The following UBXN7 variants were observed in gnomAD, a reference collection of about 807,000 sequenced individuals.
UBXN7 encodes the protein UBX domain protein 7, also known as UBX domain-containing protein 7.
Under a neutral mutation model 58.0 loss-of-function variants are expected in UBXN7, and 9 were observed. That is an observed-to-expected ratio of 0.16 (90% CI 0.09 to 0.27). UBXN7 has a LOEUF of 0.27. Among genes scored for constraint, UBXN7 ranks in the 10% least tolerant of loss-of-function variants. The pLI, the probability that UBXN7 is intolerant of heterozygous loss-of-function variation, is 1.00. For missense variants in UBXN7, 328 were observed against 599.6 expected, an observed-to-expected ratio of 0.55 and a Z score of 4.73; for synonymous variants, 208 against 205.0, an observed-to-expected ratio of 1.01 and a Z score of -0.12.
At chr3:196,401,365 A>G (rs1729977431) in intron 3 of UBXN7, among the ~76,000 whole-genome samples, 1 of 146,744 alleles carries the variant, frequency 6.8e-6, no homozygotes, top group Non-Finnish European at 1.5e-5. Context: ...AATTAAAAAA[A>G]TAAATAAAAA....
chr3:196,431,257 C>T (rs73891238), intron 1 of UBXN7: 38,231 of 152,076 alleles, frequency 0.25, 4,920 homozygotes, highest in South Asian at 0.3. Flanking sequence ...CCTTCCAAAA[C>T]GACAAACTAG....
At chr3:196,380,245 G>A (rs1293439218) in intron 5 of UBXN7, among the ~76,000 whole-genome samples, 91 of 148,616 alleles carry the variant, frequency 6.1e-4, no homozygotes, top group African/African-American at 1.9e-3. Flanking sequence ...GCGAAAGAGC[G>A]AGATTTCATC....
intron 1 of UBXN7, among the ~76,000 whole-genome samples, chr3:196,418,726 T>C (rs944115351): frequency 4.6e-5 from 7 of 152,162 alleles, no homozygotes; most frequent in Non-Finnish European, 5.9e-5. Context: ...CACAGGTCTA[T>C]AGAGCTAAAC....
Position 196,377,752 on chromosome 3 carries a change from A to G in UBXN7, c.469-5710T>C, listed in dbSNP as rs193041168. 5.1e-4 allele frequency among the ~76,000 whole-genome samples: 77 copies of G among 152,076 alleles called. No individual in the cohort carries two copies. The East Asian group carries it at 0.011, about 21-fold the overall frequency. ...CACCACCACAGCTCACTGCAGCCTC[A>G]ACCTCCTGGGCTCAAGCGATCCTCC... On this transcript the variant is annotated intron_variant, in intron 5 of 10. Transcript: ENST00000296328.
intron 1 of UBXN7, among the ~76,000 whole-genome samples, chr3:196,412,444 G>A (rs1487541170): frequency 6.6e-6 from 1 of 151,978 alleles, no homozygotes; most frequent in Admixed American, 6.6e-5. Context: ...AAGTGTGGGT[G>A]AGCATGTGGA....
In UBXN7 at chr3:196,369,659, T is replaced by A. The variant is rs936200894; in HGVS notation, c.616-148A>T. On this transcript the variant is annotated intron_variant, in intron 6 of 10. Transcript: ENST00000296328. ...ACTCCTACACTAAAAAGAAAATAAATCTGGTTTGAACTCCTTCAACTTCCC... is the reference window on the plus strand; with the variant it reads ...ACTCCTACACTAAAAAGAAAATAAAACTGGTTTGAACTCCTTCAACTTCCC... The A allele has an allele frequency of 3.5e-5, 21 of 600,056 alleles. No homozygotes were observed. In the African/African-American group the frequency reaches 3.6e-4, roughly 10 times the overall value. The allele number at this position is 600,056 out of a possible 1,614,324, so 37.2% of individuals were successfully genotyped here. A position where few individuals can be genotyped will look rare whatever the true frequency, so the allele number is the denominator to read the frequency against.
At chr3:196,430,048 T>C (rs768637998) in intron 1 of UBXN7, among the ~76,000 whole-genome samples, 1 of 152,074 alleles carries the variant, frequency 6.6e-6, no homozygotes, top group Non-Finnish European at 1.5e-5. Flanking sequence ...CATAAGAAAC[T>C]GAAAATTAAT....
intron 4 of UBXN7, 40 bp from the exon 5 acceptor site, chr3:196,391,965 C>T (rs1222891446): frequency 2.3e-6 from 1 of 441,964 alleles, no homozygotes; most frequent in Non-Finnish European, 3.8e-6. Flanking sequence ...TAGCCATAAT[C>T]ATGAATCACA....
chr3:196,372,343 C>CTTTTTTTTTTT (rs894793736), intron 5 of UBXN7, among the ~76,000 whole-genome samples: 1 of 107,520 alleles, frequency 9.3e-6, no homozygotes, highest in Non-Finnish European at 2.1e-5. Flanking sequence ...TTCTTTCTTT[C>CTTTTTTTTTTT]TTTTTTTTTT....
At chr3:196,425,781 T>TCTC (rs1053031543) in intron 1 of UBXN7, among the ~76,000 whole-genome samples, 3 of 152,166 alleles carry the variant, frequency 2.0e-5, no homozygotes, top group Non-Finnish European at 4.4e-5. Flanking sequence ...CCCCTCCAAG[T>TCTC]CTCTGCATGT....
intron 10 of UBXN7, among the ~76,000 whole-genome samples, chr3:196,359,236 A>G (rs1560217246): frequency 6.6e-6 from 1 of 152,104 alleles, no homozygotes; most frequent in Non-Finnish European, 1.5e-5. Flanking sequence ...TGATGTTACT[A>G]TTCTGCTTTT....
intron 6 of UBXN7, among the ~76,000 whole-genome samples, chr3:196,370,079 G>A (rs1324654055): frequency 6.8e-6 from 1 of 146,490 alleles, no homozygotes; most frequent in Non-Finnish European, 1.5e-5. Context: ...GCAGTGAGCT[G>A]AGATCGTGCC....
intron 5 of UBXN7, among the ~76,000 whole-genome samples, chr3:196,378,488 C>G (rs1729099484): frequency 1.3e-5 from 2 of 152,200 alleles, no homozygotes; most frequent in South Asian, 4.1e-4. Context: ...TATGGCTATT[C>G]CATAGGCAGA....
Position 196,356,484 on chromosome 3 carries a change from G to A in UBXN7, c.*201C>T, listed in dbSNP as rs1728352785. 3.7e-6 allele frequency: 2 copies of A among 535,866 alleles called. No homozygotes were observed. The highest frequency in any genetic ancestry group is 6.3e-6 in the Non-Finnish European group (2 of 317,040). 33.2% of individuals were successfully genotyped at this position (535,866 alleles called of 1,614,324 possible). The stretch of plus-strand genomic sequence containing the variant: ...GAGGCAGAAGGGTACGGAGTGGGGA[G>A]CGAGAAAACAGAAGAGGAGAAAGAA... On this transcript the variant is annotated 3_prime_UTR_variant, in exon 11 of 11. Coordinates refer to ENST00000296328, the MANE Select transcript of UBXN7 (RefSeq NM_015562.2).
intron 8 of UBXN7, among the ~76,000 whole-genome samples, chr3:196,366,438 C>T (rs1346711909): frequency 6.6e-6 from 1 of 151,130 alleles, no homozygotes; most frequent in Admixed American, 6.6e-5. Context: ...ATTGACTGAG[C>T]CCAGGAGTTC....
At chr3:196,428,961 A>G (rs2108628986) in intron 1 of UBXN7, among the ~76,000 whole-genome samples, 1 of 151,466 alleles carries the variant, frequency 6.6e-6, no homozygotes, top group East Asian at 1.9e-4. Context: ...GGCTGAGCCC[A>G]GAAACTGGAG....
chr3:196,355,825 C>G lies in UBXN7; in HGVS notation c.*860G>C, dbSNP rs1728330247. The stretch of plus-strand genomic sequence containing the variant: ...GCCTTCCTACAGATCACTGCAGACT[C>G]AGACAATGGAGGGCTCCAAAGGAAC... On this transcript the variant is annotated 3_prime_UTR_variant, in exon 11 of 11. Coordinates refer to ENST00000296328, the MANE Select transcript of UBXN7 (RefSeq NM_015562.2). 6.6e-6 allele frequency: 1 copy of G among 152,222 alleles called. No homozygotes were observed. Among genetic ancestry groups the G allele is most frequent in the South Asian group, 2.1e-4 (1 of 4,828 alleles). The allele number at this position is 152,222 out of a possible 1,614,324, so 9.4% of individuals were successfully genotyped here.
intron 1 of UBXN7, among the ~76,000 whole-genome samples, chr3:196,430,669 G>C (rs1731001599): frequency 6.6e-6 from 1 of 152,026 alleles, no homozygotes; most frequent in Non-Finnish European, 1.5e-5. Context: ...GATTACAGGC[G>C]TGAGACACCG....
intron 1 of UBXN7, among the ~76,000 whole-genome samples, chr3:196,410,744 C>G (rs776158344): frequency 6.6e-6 from 1 of 152,068 alleles, no homozygotes; most frequent in Non-Finnish European, 1.5e-5. Flanking sequence ...ATCTCTTGAA[C>G]CTGGGAGGCG....
Sources: gnomAD v4.1 joint callset for allele counts (sites outside exome capture counted in the v4.1 genomes callset) on GRCh38, gnomAD v4.1.1 for gene constraint, MANE v1.5 for transcripts, NCBI Gene and HGNC (gene_info 2026-07-23, HGNC 2026-07-21) for gene names.